MRPL3: variants seen among roughly 807,000 people sequenced by gnomAD.
MRPL3 encodes large ribosomal subunit protein uL3m.
In MRPL3, 43 loss-of-function variants were observed where a neutral mutation model predicts 44.3. The observed-to-expected ratio is 0.97, with a 90% CI of 0.76 to 1.25. The LOEUF (loss-of-function observed/expected upper bound fraction) is 1.25. Ranked by LOEUF, MRPL3 falls within the 50% of genes most tolerant of loss-of-function variation. The probability of loss-of-function intolerance (pLI) is 0.00; values close to 1 mark genes in which losing one functional copy is unlikely to be tolerated. For synonymous variants in MRPL3, 171 were observed against 152.3 expected (o/e 1.12, Z -0.91); for missense variants, 406 against 427.6 (o/e 0.95, Z 0.45).
chr3:131,488,209 A>G (rs1481631945), intron 5 of MRPL3, among the ~76,000 whole-genome samples: 1 of 152,206 alleles, frequency 6.6e-6, no homozygotes, highest in Non-Finnish European at 1.5e-5. Flanking sequence ...TGACATCTAT[A>G]TAAAGCCTCT....
chr3:131,500,360 CT>C, intron 3 of MRPL3, 69 bp downstream of exon 3: 1 of 1,243,656 alleles, frequency 8.0e-7, no homozygotes, highest in Non-Finnish European at 1.2e-6. Flanking sequence ...ACAAATAGTT[CT>C]TGTTAAGGTT....
At chr3:131,466,581 G>A (rs1250863399) in intron 9 of MRPL3, among the ~76,000 whole-genome samples, 1 of 150,698 alleles carries the variant, frequency 6.6e-6, no homozygotes, top group African/African-American at 2.4e-5. Context: ...TAATAAAAAA[G>A]CTCCCCCTCA....
chr3:131,468,045 G>GA, intron 9 of MRPL3, 46 bp downstream of exon 9: 2 of 909,538 alleles, frequency 2.2e-6, no homozygotes, highest in South Asian at 4.8e-5. Context: ...TTGCGAGTAA[G>GA]AAACAAAAAA....
chr3:131,467,936 A>G (rs776166886), intron 9 of MRPL3, among the ~76,000 whole-genome samples, 155 bp downstream of exon 9: 2 of 152,122 alleles, frequency 1.3e-5, no homozygotes, highest in Non-Finnish European at 2.9e-5. Context: ...GTGGAAAAAC[A>G]GCCATTTATT....
chr3:131,502,687 C>T, intron 1 of MRPL3, 43 bp downstream of exon 1: 7 of 1,538,660 alleles, frequency 4.5e-6, no homozygotes, highest in Non-Finnish European at 4.4e-6. Context: ...TCCACTGCTT[C>T]AGGACGCAAC....
chr3:131,490,036 C>T lies in MRPL3; in HGVS notation c.513G>A (p.Pro171=), dbSNP rs541190683. 1.3e-5 allele frequency: 21 copies of T among 1,611,788 alleles called. No homozygotes were observed. The highest frequency in any genetic ancestry group is 3.3e-5 in the South Asian group (3 of 90,990). Reference sequence around the variant, plus strand: ...TAAAGATTTTAACTGTCTGTTTCGGCGGCAATCCAAGTTCCCGGTAAAATT... The same window carrying T: ...TAAAGATTTTAACTGTCTGTTTCGGTGGCAATCCAAGTTCCCGGTAAAATT... ...ILEFYRELGL[P]PKQTVKIFNI... Residue 171 remains proline, a synonymous_variant, in exon 5 of 10, where the codon CCG becomes CCA. Coordinates refer to ENST00000264995, the MANE Select transcript of MRPL3 (RefSeq NM_007208.4).
At chr3:131,489,943 G>C in intron 5 of MRPL3, 38 bp downstream of exon 5, 1 of 1,292,982 alleles carries the variant, frequency 7.7e-7, no homozygotes, top group Non-Finnish European at 1.1e-6. Flanking sequence ...GCATATTTGG[G>C]TATTTTTACC....
chr3:131,490,121 TA>T, intron 4 of MRPL3, 41 bp from the exon 5 acceptor site: 2 of 1,380,938 alleles, frequency 1.4e-6, no homozygotes, highest in Non-Finnish European at 1.0e-6. Context: ...CATTGAATAT[TA>T]AAAGTGGAAT....
chr3:131,489,869 G>A, intron 5 of MRPL3, 112 bp downstream of exon 5: 13 of 525,336 alleles, frequency 2.5e-5, no homozygotes, highest in East Asian at 6.7e-5. Context: ...GTATTTAAAA[G>A]TAAGTGTTTG....
intron 6 of MRPL3, among the ~76,000 whole-genome samples, chr3:131,481,724 C>T (rs1241168469): frequency 1.3e-5 from 2 of 152,194 alleles, no homozygotes; most frequent in African/African-American, 2.4e-5. Flanking sequence ...TTCATTTTGA[C>T]TGATTTAAGA....
At chr3:131,485,675 A>G (rs1025485346) in intron 6 of MRPL3, among the ~76,000 whole-genome samples, 1 of 152,146 alleles carries the variant, frequency 6.6e-6, no homozygotes, top group African/African-American at 2.4e-5. Flanking sequence ...GGACAGGTTT[A>G]CAATCTCTTT....
chr3:131,463,021 T>A, intron 9 of MRPL3, 146 bp from the exon 10 acceptor site: 1 of 624,546 alleles, frequency 1.6e-6, no homozygotes, highest in South Asian at 3.8e-5. Context: ...TAAAAAGAAC[T>A]CAGTCAATGC....
Position 131,476,223 on chromosome 3 carries a change from G to A in MRPL3, c.630-4944C>T, listed in dbSNP as rs139068454. ...ATCATGTAGTTATACTCTGTACAAT[G>A]AGAACCTCTTCAGTAACCTTTAAAC... is the stretch of plus-strand genomic sequence containing the variant. On this transcript the variant is annotated intron_variant, in intron 6 of 9. Transcript: ENST00000264995. Among the ~76,000 whole-genome samples, 3 of 152,284 alleles carry A rather than the reference G, an allele frequency of 2.0e-5. No homozygotes were observed. In the East Asian group the frequency reaches 5.8e-4, roughly 29 times the overall value.
At chr3:131,501,782 A>G in intron 1 of MRPL3, 67 bp from the exon 2 acceptor site, 1 of 1,590,240 alleles carries the variant, frequency 6.3e-7, no homozygotes. Context: ...AATATAGAAA[A>G]GGGAAGTCAC....
At chr3:131,470,035 T>C (rs868424830) in intron 7 of MRPL3, among the ~76,000 whole-genome samples, 1 of 151,952 alleles carries the variant, frequency 6.6e-6, no homozygotes, top group Non-Finnish European at 1.5e-5. Context: ...ACGGACCTAA[T>C]ACTGGCTAAG....
intron 5 of MRPL3, 66 bp downstream of exon 5, chr3:131,489,915 G>A: frequency 1.1e-6 from 1 of 922,046 alleles, no homozygotes; most frequent in Non-Finnish European, 1.8e-6. Flanking sequence ...TATTGAAAGG[G>A]CTGACATTAA....
intron 4 of MRPL3, among the ~76,000 whole-genome samples, chr3:131,493,429 T>C (rs1289521553): frequency 6.6e-6 from 1 of 152,202 alleles, no homozygotes; most frequent in Admixed American, 6.5e-5. Flanking sequence ...CATATCACCA[T>C]ACACTTATCT....
At chr3:131,469,052 AG>A (rs1487712134) in intron 8 of MRPL3, among the ~76,000 whole-genome samples, 2 of 152,166 alleles carry the variant, frequency 1.3e-5, no homozygotes, top group African/African-American at 4.8e-5. Context: ...CATCCATTAT[AG>A]TATAACTCAG....
chr3:131,489,931 T>C (rs755386393), intron 5 of MRPL3, 50 bp downstream of exon 5: 17 of 1,129,100 alleles, frequency 1.5e-5, no homozygotes, highest in Non-Finnish European at 2.1e-5. Context: ...ATTAAACAAA[T>C]TGCATATTTG....
Sources: allele counts gnomAD v4.1 joint callset (sites outside exome capture counted in the v4.1 genomes callset), GRCh38; gene constraint gnomAD v4.1.1; transcripts MANE v1.5; gene names NCBI Gene and HGNC (gene_info 2026-07-23, HGNC 2026-07-21).